The following MTA3 variants were observed in gnomAD, a reference collection of about 807,000 sequenced individuals.
The protein encoded by MTA3 is metastasis associated 1 family member 3, also known as metastasis-associated protein MTA3.
In MTA3, 34 loss-of-function variants were observed where a neutral mutation model predicts 83.5. The observed-to-expected ratio is 0.41, with a 90% CI of 0.31 to 0.54. The LOEUF (loss-of-function observed/expected upper bound fraction) is 0.54, where lower values mean the gene tolerates loss of function less well. Ranked by LOEUF, MTA3 falls within the 20% of genes least tolerant of loss-of-function variation. The pLI is 0.33. For missense variants in MTA3, 761 were observed against 726.4 expected (o/e 1.05, Z -0.55); for synonymous variants, 303 against 252.7 (o/e 1.20, Z -1.89).
intron 4 of MTA3, among the ~76,000 whole-genome samples, chr2:42,620,337 T>C (rs1685395341): frequency 1.3e-5 from 2 of 152,090 alleles, no homozygotes; most frequent in Admixed American, 6.6e-5. Context: ...CAGGCTGATA[T>C]CAAACTCCTG....
intron 2 of MTA3, among the ~76,000 whole-genome samples, chr2:42,555,148 A>C (rs982155033): frequency 1.7e-4 from 26 of 151,094 alleles, no homozygotes; most frequent in African/African-American, 5.6e-4. Flanking sequence ...CTAACATAGG[A>C]AAATGCAGTA....
At chr2:42,606,647 G>A (rs2104051927) in intron 3 of MTA3, among the ~76,000 whole-genome samples, 1 of 150,380 alleles carries the variant, frequency 6.6e-6, no homozygotes, top group African/African-American at 2.4e-5. Context: ...GGGCGGCCAG[G>A]CAGAGACACT....
chr2:42,723,099 C>T (rs1048883117), intron 16 of MTA3, 64 bp downstream of exon 16: 2 of 1,476,738 alleles, frequency 1.4e-6, no homozygotes, highest in African/African-American at 2.8e-5. Context: ...AGGCATGTGT[C>T]TGCCACATCC....
At chr2:42,719,307 T>C (rs1667244262) in intron 15 of MTA3, among the ~76,000 whole-genome samples, 1 of 152,058 alleles carries the variant, frequency 6.6e-6, no homozygotes, top group Non-Finnish European at 1.5e-5. Context: ...CAAAAAGCCA[T>C]CGAATAAAAA....
At chr2:42,740,585 T>C (rs139799773) in intron 16 of MTA3, among the ~76,000 whole-genome samples, 2 of 152,394 alleles carry the variant, frequency 1.3e-5, no homozygotes, top group Non-Finnish European at 2.9e-5. Context: ...ATAATAGAAG[T>C]TGTGCTAGCG....
chr2:42,519,174 C>G (rs1675296625), intron 2 of MTA3, among the ~76,000 whole-genome samples: 1 of 152,130 alleles, frequency 6.6e-6, no homozygotes, highest in Non-Finnish European at 1.5e-5. Flanking sequence ...ATGAGAATGG[C>G]ACTTTGCCTC....
At chr2:42,497,829 C>T (rs1411083208) in intron 2 of MTA3, among the ~76,000 whole-genome samples, 10 of 152,176 alleles carry the variant, frequency 6.6e-5, no homozygotes, top group African/African-American at 2.4e-4. Context: ...TTCATGTATG[C>T]TTCCTTTAGC....
chr2:42,699,522 G>A (rs1030486309), intron 11 of MTA3, among the ~76,000 whole-genome samples: 5 of 152,174 alleles, frequency 3.3e-5, no homozygotes, highest in Non-Finnish European at 5.9e-5. Flanking sequence ...AGGACTAAGA[G>A]TAGATGCAGA....
intron 2 of MTA3, among the ~76,000 whole-genome samples, chr2:42,525,988 C>A (rs1675693988): frequency 6.6e-6 from 1 of 152,038 alleles, no homozygotes; most frequent in South Asian, 2.1e-4. Flanking sequence ...CTATCCTTTG[C>A]CAGAGAGAAA....
intron 4 of MTA3, among the ~76,000 whole-genome samples, chr2:42,627,954 G>C (rs1186053614): frequency 6.6e-6 from 1 of 151,668 alleles, no homozygotes; most frequent in African/African-American, 2.4e-5. Context: ...GCGCCATCTT[G>C]GCTTACTGCA....
chr2:42,680,838 A>C (rs1401844305), intron 8 of MTA3, among the ~76,000 whole-genome samples: 1 of 151,892 alleles, frequency 6.6e-6, no homozygotes, highest in East Asian at 1.9e-4. Context: ...TGCAGCCTCG[A>C]CCTCCCTGGG....
chr2:42,559,869 G>T (rs1374322481), intron 2 of MTA3, among the ~76,000 whole-genome samples: 1 of 150,952 alleles, frequency 6.6e-6, no homozygotes, highest in Non-Finnish European at 1.5e-5. Flanking sequence ...CTGCACTCCA[G>T]CCTGGGCAAC....
chr2:42,539,206 C>T (rs1676409861), intron 2 of MTA3, among the ~76,000 whole-genome samples: 1 of 152,146 alleles, frequency 6.6e-6, no homozygotes, highest in African/African-American at 2.4e-5. Flanking sequence ...TGTATTAGTC[C>T]ATTCTCATAC....
chr2:42,527,052 CAAAAAAAAAAAAAA>C (rs34030475), intron 2 of MTA3, among the ~76,000 whole-genome samples: 2 of 45,334 alleles, frequency 4.4e-5, no homozygotes, highest in South Asian at 2.2e-3. Context: ...GACTCTGTCT[CAAAAAAAAAAAAAA>C]AAAAAAAAAA....
At position 42,547,697 on chromosome 2, in the gene MTA3, T is replaced by C. The variant is rs1235976616; in HGVS notation, c.-140-22740T>C. 3.3e-5 allele frequency among the ~76,000 whole-genome samples: 5 copies of C among 152,334 alleles called. No individual in the cohort carries two copies. In the East Asian group the frequency reaches 7.7e-4, roughly 24 times the overall value. ...TCTGGGACTGGCCAAGACTTAGCTA[T>C]TGTTACAGGCGCATACTCCTAAATT... On this transcript the variant is annotated intron_variant, in intron 2 of 17. Coordinates refer to the MTA3 transcript ENST00000405592.
rs35447248 is a variant in MTA3, at chr2:42,632,091, G to GTTTTTTT, written c.318-8071_318-8065dup. 2.4e-5 allele frequency among the ~76,000 whole-genome samples: 3 copies of GTTTTTTT among 125,198 alleles called. 1 individual carries two copies. Among genetic ancestry groups the GTTTTTTT allele is most frequent in the African/African-American group, 6.1e-5 (2 of 32,880 alleles). The allele number at this position is 125,198 out of a possible 152,430, so 82.1% of individuals were successfully genotyped here. On this transcript the variant is annotated intron_variant, in intron 4 of 16. Transcript: ENST00000405094. ...CTTACTCATTCTTCCCAGCTGCTGG[G>GTTTTTTT]TTTTTTTTTTTTTTTTTGAGATGGA...
At position 42,754,049 on chromosome 2, in the gene MTA3, C is replaced by T; in HGVS notation, c.*650C>T. Reference sequence around the variant, plus strand: ...AGGAACAGAATTACCGAGGTTCTGACAAAAGATAAGCCTGTAAACTCATCA... The same window carrying T: ...AGGAACAGAATTACCGAGGTTCTGATAAAAGATAAGCCTGTAAACTCATCA... On this transcript the variant is annotated 3_prime_UTR_variant, in exon 17 of 17. Coordinates refer to ENST00000405094, the MANE Select transcript of MTA3 (RefSeq NM_001330442.2). 1.0e-6 allele frequency: 1 copy of T among 985,508 alleles called. No homozygotes were observed. The highest frequency in any genetic ancestry group is 1.2e-6 in the Non-Finnish European group (1 of 830,004). 61.0% of individuals were successfully genotyped at this position (985,508 alleles called of 1,614,324 possible). A position where few individuals can be genotyped will look rare whatever the true frequency, so the allele number is the denominator to read the frequency against.
intron 2 of MTA3, among the ~76,000 whole-genome samples, chr2:42,543,595 C>T (rs2103753013): frequency 6.6e-6 from 1 of 151,996 alleles, no homozygotes; most frequent in East Asian, 1.9e-4. Flanking sequence ...AAGCAATCCT[C>T]CCACCTCATC....
rs1041182247 is a variant in MTA3, at chr2:42,743,631, T to G, written c.1760-9743T>G. ...CATTGAGTAATACAATTTTTGAGAC[T>G]CCTATGAAGAGGGTATCTAATGTAG... is the stretch of plus-strand genomic sequence containing the variant. On this transcript the variant is annotated intron_variant, in intron 16 of 16. Coordinates refer to ENST00000405094, the MANE Select transcript of MTA3 (RefSeq NM_001330442.2). Among the ~76,000 whole-genome samples, 10 of 152,226 alleles carry G rather than the reference T, an allele frequency of 6.6e-5. No homozygotes were observed. The South Asian group carries it at 1.9e-3, about 28-fold the overall frequency.
Sources: allele counts gnomAD v4.1 joint callset (sites outside exome capture counted in the v4.1 genomes callset), GRCh38; gene constraint gnomAD v4.1.1; transcripts MANE v1.5; gene names NCBI Gene and HGNC (gene_info 2026-07-23, HGNC 2026-07-21).